The following JAKMIP2 variants were observed in gnomAD, a reference collection of about 807,000 sequenced individuals.
JAKMIP2 encodes janus kinase and microtubule interacting protein 2, also known as janus kinase and microtubule-interacting protein 2.
Under a neutral mutation model 115.0 loss-of-function variants are expected in JAKMIP2, and 25 were observed. The ratio of observed to expected loss-of-function variants is 0.22; its 90% CI spans 0.16 to 0.30. The LOEUF (loss-of-function observed/expected upper bound fraction) is 0.30, where lower values mean the gene tolerates loss of function less well. Among genes scored for constraint, JAKMIP2 ranks in the 10% least tolerant of loss-of-function variants. JAKMIP2 has a pLI of 1.00. For missense variants in JAKMIP2, 642 were observed against 957.6 expected, an observed-to-expected ratio of 0.67 and a Z score of 4.35; for synonymous variants, 334 against 343.6, an observed-to-expected ratio of 0.97 and a Z score of 0.31.
At chr5:147,629,036 G>C (rs1455391139) in intron 15 of JAKMIP2, among the ~76,000 whole-genome samples, 1 of 152,110 alleles carries the variant, frequency 6.6e-6, no homozygotes, top group Admixed American at 6.6e-5. Flanking sequence ...ACACCGATTT[G>C]ATTTTGTGTC....
At chr5:147,647,513 A>T (rs1758186858) in intron 5 of JAKMIP2, among the ~76,000 whole-genome samples, 1 of 152,312 alleles carries the variant, frequency 6.6e-6, no homozygotes, top group Middle Eastern at 3.4e-3. Flanking sequence ...AGGCAGCATA[A>T]CAGAAAATGG....
intron 1 of JAKMIP2, among the ~76,000 whole-genome samples, chr5:147,750,365 C>A (rs1266250844): frequency 6.6e-6 from 1 of 152,064 alleles, no homozygotes; most frequent in Non-Finnish European, 1.5e-5. Flanking sequence ...GTGATAAAGG[C>A]CCCATGGGGA....
chr5:147,618,178 T>A, intron 18 of JAKMIP2, 64 bp from the exon 19 acceptor site: 2 of 1,120,742 alleles, frequency 1.8e-6, no homozygotes, highest in Non-Finnish European at 2.7e-6. Flanking sequence ...TGTGGGAGTG[T>A]ATGCTATGTA....
intron 2 of JAKMIP2, among the ~76,000 whole-genome samples, chr5:147,670,787 C>A (rs1477574476): frequency 2.0e-5 from 3 of 152,138 alleles, no homozygotes; most frequent in Non-Finnish European, 4.4e-5. Flanking sequence ...AATGCATCAT[C>A]TTTAAATTAT....
At chr5:147,765,224 A>C (rs1217694130) in intron 1 of JAKMIP2, among the ~76,000 whole-genome samples, 1 of 152,142 alleles carries the variant, frequency 6.6e-6, no homozygotes, top group East Asian at 1.9e-4. Flanking sequence ...GGAAATAAGA[A>C]AAAGATCTGG....
intron 1 of JAKMIP2, among the ~76,000 whole-genome samples, chr5:147,688,210 G>A (rs1433532023): frequency 2.0e-5 from 3 of 152,150 alleles, no homozygotes; most frequent in African/African-American, 7.2e-5. Context: ...TTAACACAAG[G>A]CTATGTATCA....
chr5:147,773,790 G>A (rs771532885), intron 1 of JAKMIP2, among the ~76,000 whole-genome samples: 14 of 152,012 alleles, frequency 9.2e-5, no homozygotes, highest in Non-Finnish European at 1.5e-4. Context: ...TTCCCTTGTC[G>A]TAGGCTAATA....
At chr5:147,773,094 T>C (rs554203131) in intron 1 of JAKMIP2, among the ~76,000 whole-genome samples, 40 of 152,266 alleles carry the variant, frequency 2.6e-4, no homozygotes, top group African/African-American at 8.7e-4. Context: ...CTGGAATAAA[T>C]AGTTTTACTT....
At chr5:147,630,391 G>C (rs1053607811) in intron 14 of JAKMIP2, among the ~76,000 whole-genome samples, 1 of 152,078 alleles carries the variant, frequency 6.6e-6, no homozygotes, top group Non-Finnish European at 1.5e-5. Flanking sequence ...CGAAGGAAAA[G>C]GCAAAGTAAA....
chr5:147,709,106 T>C (rs1030026451), intron 1 of JAKMIP2, among the ~76,000 whole-genome samples: 1 of 152,222 alleles, frequency 6.6e-6, no homozygotes, highest in Non-Finnish European at 1.5e-5. Context: ...ACTGTGGTAA[T>C]AAATTTTACT....
Position 147,612,317 on chromosome 5 carries a change from AG to A in JAKMIP2, c.2400del (p.Leu801Ter), listed in dbSNP as rs753956976. ...KTDIQKRQIKDLEEKFLFLFL... is the reference protein window; with the variant it reads ...KTDIQKRQIKXLEEKFLFLFL... ...AATTTGACACCTACCTTTTCTTCTA[AG>A]TCTTTTATTTGTCTTTTCTGGATGT... On this transcript the variant is annotated frameshift_variant, in exon 20 of 22. Transcript: ENST00000616793. LOFTEE classifies it high-confidence loss of function. 6.5e-7 allele frequency: 1 copy of A among 1,544,426 alleles called. No individual in the cohort carries two copies. Among genetic ancestry groups the A allele is most frequent in the Non-Finnish European group, 8.9e-7 (1 of 1,121,456 alleles).
chr5:147,690,553 A>G (rs1438642123), intron 1 of JAKMIP2, among the ~76,000 whole-genome samples: 1 of 88,202 alleles, frequency 1.1e-5, no homozygotes, highest in East Asian at 2.7e-4. Context: ...ATATATATAT[A>G]TATATATATA....
At chr5:147,712,970 T>G (rs998805021) in intron 1 of JAKMIP2, among the ~76,000 whole-genome samples, 2 of 152,140 alleles carry the variant, frequency 1.3e-5, no homozygotes, top group Admixed American at 6.6e-5. Context: ...TTAAGGAATA[T>G]GGATAACGAT....
intron 1 of JAKMIP2, among the ~76,000 whole-genome samples, chr5:147,766,615 G>C (rs1281008087): frequency 2.0e-5 from 3 of 152,068 alleles, no homozygotes; most frequent in Non-Finnish European, 4.4e-5. Flanking sequence ...CAAGTCAAGG[G>C]ATTCTCTGTT....
chr5:147,631,390 T>C (rs1757342333), intron 14 of JAKMIP2, 23 bp downstream of exon 14: 2 of 1,480,116 alleles, frequency 1.4e-6, no homozygotes, highest in Non-Finnish European at 1.9e-6. Context: ...TCTACAAACA[T>C]AAAAAATGAA....
chr5:147,762,635 CT>C (rs1275309955), intron 1 of JAKMIP2, among the ~76,000 whole-genome samples: 1 of 152,014 alleles, frequency 6.6e-6, no homozygotes, highest in African/African-American at 2.4e-5. Context: ...GGACTCAACC[CT>C]TATGACCTCA....
intron 13 of JAKMIP2, 90 bp from the exon 14 acceptor site, chr5:147,631,601 G>T: frequency 1.5e-6 from 1 of 689,648 alleles, no homozygotes; most frequent in Non-Finnish European, 2.3e-6. Context: ...TATTTCAGCA[G>T]TTTATTACTG....
chr5:147,742,186 T>G (rs1209150811), intron 1 of JAKMIP2, among the ~76,000 whole-genome samples: 1 of 147,590 alleles, frequency 6.8e-6, no homozygotes, highest in African/African-American at 2.6e-5. Flanking sequence ...TATCTTTCAG[T>G]GGATTTTTTG....
chr5:147,676,208 C>T (rs986896411), intron 1 of JAKMIP2, among the ~76,000 whole-genome samples: 2 of 152,184 alleles, frequency 1.3e-5, no homozygotes, highest in African/African-American at 4.8e-5. Flanking sequence ...TGGCGGCCGG[C>T]GCCTGTAGTC....
Sources: gnomAD v4.1 joint callset for allele counts (sites outside exome capture counted in the v4.1 genomes callset) on GRCh38, gnomAD v4.1.1 for gene constraint, MANE v1.5 for transcripts, NCBI Gene and HGNC (gene_info 2026-07-23, HGNC 2026-07-21) for gene names.